The following ZFP90 variants were observed in gnomAD, a reference collection of about 807,000 sequenced individuals.
ZFP90 encodes ZFP90 zinc finger protein.
In ZFP90, 38 loss-of-function variants were observed where a neutral mutation model predicts 60.8. The observed-to-expected ratio is 0.62, with a 90% CI of 0.48 to 0.82. The LOEUF (loss-of-function observed/expected upper bound fraction) is 0.82. Among genes scored for constraint, ZFP90 ranks in the 40% least tolerant of loss-of-function variants. The pLI is 0.00. For synonymous variants in ZFP90, 287 were observed against 264.8 expected, an observed-to-expected ratio of 1.08 and a Z score of -0.82; for missense variants, 711 against 759.1, an observed-to-expected ratio of 0.94 and a Z score of 0.74.
intron 2 of ZFP90, among the ~76,000 whole-genome samples, chr16:68,554,236 C>T (rs999300192): frequency 6.6e-6 from 1 of 151,894 alleles, no homozygotes; most frequent in African/African-American, 2.4e-5. Context: ...ATTCTCCTGC[C>T]TCATCCTCCC....
Position 68,567,116 on chromosome 16 carries a change from A to G in ZFP90, c.*2418A>G. 1.0e-6 allele frequency: 1 copy of G among 985,612 alleles called. No homozygotes were observed. The highest frequency in any genetic ancestry group is 1.2e-6 in the Non-Finnish European group (1 of 829,936). The allele number at this position is 985,612 out of a possible 1,614,324, so 61.1% of individuals were successfully genotyped here. On this transcript the variant is annotated 3_prime_UTR_variant, in exon 5 of 5. Transcript: ENST00000563169. ...ACATCATTGTATTCTTTCAATAAAT[A>G]GCCTTCTGAGTTGAATGGGAGTCAG... is the stretch of plus-strand genomic sequence containing the variant.
chr16:68,570,799 A>G (rs974218474), downstream of ZFP90, among the ~76,000 whole-genome samples: 4 of 150,508 alleles, frequency 2.7e-5, no homozygotes, highest in African/African-American at 9.8e-5. Context: ...TTTTTTTTTC[A>G]CTTGGCTTCC....
At chr16:68,545,273 C>T (rs948661434) in intron 2 of ZFP90, among the ~76,000 whole-genome samples, 2 of 151,960 alleles carry the variant, frequency 1.3e-5, no homozygotes, top group Non-Finnish European at 2.9e-5. Flanking sequence ...AGAGTAAGGC[C>T]ATTTGACCCC....
rs1179565184 is a variant in ZFP90 at position 68,567,105 on chromosome 16, T to C, written c.*2407T>C. The C allele has an allele frequency of 6.1e-6, 6 of 985,488 alleles. No homozygotes were observed. In the African/African-American group the frequency reaches 1.0e-4, roughly 17 times the overall value. The allele number at this position is 985,488 out of a possible 1,614,324, so 61.0% of individuals were successfully genotyped here. A position where few individuals can be genotyped will look rare whatever the true frequency, so the allele number is the denominator to read the frequency against. ...GCATCCTTGTAACATCATTGTATTC[T>C]TTCAATAAATAGCCTTCTGAGTTGA... On this transcript the variant is annotated 3_prime_UTR_variant, in exon 5 of 5. Coordinates refer to ENST00000563169, the MANE Select transcript of ZFP90 (RefSeq NM_001305203.2).
chr16:68,563,749 G>A lies in ZFP90; in HGVS notation c.962G>A (p.Arg321His), dbSNP rs777576155. The change falls in exon 5 of 5, where the codon CGC becomes CAC. Residue 321 changes from arginine (R) to histidine (H), a missense_variant. Around this residue, in one of 5 missense-constraint regions of ZFP90, gnomAD observed 146 missense variants for 201.4 expected, o/e 0.73. Coordinates refer to ENST00000563169, the MANE Select transcript of ZFP90 (RefSeq NM_001305203.2). ...AGTCTCTGTGGGAAAGCCTTCCAGC[G>A]CAGCTCCTCCCTTGTTCAACACCAG... ...QCSLCGKAFQ[R>H]SSSLVQHQRI... The A allele has an allele frequency of 2.5e-5, 40 of 1,609,748 alleles. No homozygotes were observed. The highest frequency in any genetic ancestry group is 3.0e-5 in the Non-Finnish European group (35 of 1,178,330).
chr16:68,569,502 CTTT>C (rs1213886758), downstream of ZFP90, among the ~76,000 whole-genome samples: 1 of 152,192 alleles, frequency 6.6e-6, no homozygotes, highest in African/African-American at 2.4e-5. Flanking sequence ...TTGTCCCACT[CTTT>C]TAAGTTGCTA....
intron 4 of ZFP90, among the ~76,000 whole-genome samples, chr16:68,559,790 CT>C (rs760216909): frequency 2.0e-5 from 3 of 152,228 alleles, no homozygotes; most frequent in African/African-American, 4.8e-5. Flanking sequence ...CCCAGGTGGT[CT>C]TGAACTCCTG....
chr16:68,561,756 C>A (rs2091442282), intron 4 of ZFP90, among the ~76,000 whole-genome samples: 1 of 152,052 alleles, frequency 6.6e-6, no homozygotes, highest in African/African-American at 2.4e-5. Context: ...TTTTGCATGT[C>A]CCACTGAGAA....
Position 68,566,776 on chromosome 16 carries a change from GGTT to G in ZFP90, c.*2082_*2084del, listed in dbSNP as rs2091534665. 4 of 985,556 alleles carry G rather than the reference GGTT, an allele frequency of 4.1e-6. No individual in the cohort carries two copies. Among genetic ancestry groups the G allele is most frequent in the Non-Finnish European group, 4.8e-6 (4 of 829,926 alleles). 61.1% of individuals were successfully genotyped at this position (985,556 alleles called of 1,614,324 possible). On this transcript the variant is annotated 3_prime_UTR_variant, in exon 5 of 5. Transcript: ENST00000563169. Reference sequence around the variant, plus strand: ...CCTGTCAGGAACTCATTATGCTACTGGTTGTTTGGGGATCCCCATAGTGGACTA... The same window carrying G: ...CCTGTCAGGAACTCATTATGCTACTGGTTTGGGGATCCCCATAGTGGACTA...
intron 2 of ZFP90, among the ~76,000 whole-genome samples, chr16:68,554,113 G>A (rs911471813): frequency 5.6e-5 from 6 of 107,558 alleles, no homozygotes; most frequent in Non-Finnish European, 1.1e-4. Context: ...TTTATGGGTT[G>A]TGTTTTGTTT....
At chr16:68,559,154 C>T (rs2091394708) in intron 4 of ZFP90, among the ~76,000 whole-genome samples, 1 of 152,132 alleles carries the variant, frequency 6.6e-6, no homozygotes, top group Admixed American at 6.6e-5. Flanking sequence ...AGTGACCCTG[C>T]CTTAAGGAAC....
chr16:68,565,212 A>G lies in ZFP90; in HGVS notation c.*514A>G. ...ATTGTACAGATGAAGACTGAAAGCC[A>G]AAGATGTGAAGTGGTTTCCACAGTA... On this transcript the variant is annotated 3_prime_UTR_variant, in exon 5 of 5. Coordinates refer to ENST00000563169, the MANE Select transcript of ZFP90 (RefSeq NM_001305203.2). 1 of 986,818 alleles carries G rather than the reference A, an allele frequency of 1.0e-6. No individual in the cohort carries two copies. The highest frequency in any genetic ancestry group is 1.2e-6 in the Non-Finnish European group (1 of 830,786). 61.1% of individuals were successfully genotyped at this position (986,818 alleles called of 1,614,324 possible). A position where few individuals can be genotyped will look rare whatever the true frequency, so the allele number is the denominator to read the frequency against.
chr16:68,548,767 G>T (rs1035182243), intron 2 of ZFP90, among the ~76,000 whole-genome samples: 25 of 152,122 alleles, frequency 1.6e-4, no homozygotes, highest in African/African-American at 5.8e-4. Context: ...TGGGATTACA[G>T]GCATGAGCCA....
At chr16:68,540,355 C>T (rs1249968021) in intron 2 of ZFP90, among the ~76,000 whole-genome samples, 2 of 152,074 alleles carry the variant, frequency 1.3e-5, no homozygotes, top group African/African-American at 4.8e-5. Flanking sequence ...AAAATAAAAC[C>T]AGGGCTGATT....
chr16:68,562,820 A>G (rs2091457562), intron 4 of ZFP90: 1 of 959,944 alleles, frequency 1.0e-6, no homozygotes, highest in Non-Finnish European at 1.5e-6. Context: ...ACCCTCCTAG[A>G]TGGGCTTTCC....
At chr16:68,561,567 C>G (rs998868398) in intron 4 of ZFP90, among the ~76,000 whole-genome samples, 9 of 152,078 alleles carry the variant, frequency 5.9e-5, no homozygotes, top group African/African-American at 1.9e-4. Context: ...ATGGTTTTAC[C>G]CTTTTCTAGT....
chr16:68,552,275 A>G (rs2091275997), intron 2 of ZFP90, among the ~76,000 whole-genome samples: 1 of 152,168 alleles, frequency 6.6e-6, no homozygotes, highest in Non-Finnish European at 1.5e-5. Context: ...ATTGTCTGTT[A>G]TGTACCAAAC....
Position 68,564,853 on chromosome 16 carries a change from T to TTTTA in ZFP90, c.*155_*156insTTTA. 1 of 1,405,960 alleles carries TTTTA rather than the reference T, an allele frequency of 7.1e-7. No homozygotes were observed. The highest frequency in any genetic ancestry group is 9.2e-7 in the Non-Finnish European group (1 of 1,086,398). 87.1% of individuals were successfully genotyped at this position (1,405,960 alleles called of 1,614,324 possible). A position where few individuals can be genotyped will look rare whatever the true frequency, so the allele number is the denominator to read the frequency against. On this transcript the variant is annotated 3_prime_UTR_variant, in exon 5 of 5. Transcript: ENST00000563169. ...TGCCAGTAGACAGATTTTTTTTTTT[T>TTTTA]AACATAAAGACACATTCTCAGATCT...
intron 2 of ZFP90, among the ~76,000 whole-genome samples, chr16:68,572,521 C>T (rs977133853): frequency 6.6e-6 from 1 of 152,152 alleles, no homozygotes. Flanking sequence ...ATAGGACTCA[C>T]TAGATGTGAG....
Sources: allele counts gnomAD v4.1 joint callset (sites outside exome capture counted in the v4.1 genomes callset), GRCh38; gene constraint gnomAD v4.1.1; regional missense constraint gnomAD v4.1.1; transcripts MANE v1.5; gene names NCBI Gene and HGNC (gene_info 2026-07-23, HGNC 2026-07-21).